TRABD2B: variants seen among roughly 807,000 people sequenced by gnomAD.
TRABD2B encodes TraB domain containing 2B.
Under a neutral mutation model 40.1 loss-of-function variants are expected in TRABD2B, and 14 were observed. That is an observed-to-expected ratio of 0.35 (90% CI 0.23 to 0.55). TRABD2B has a LOEUF of 0.55. Ranked by LOEUF, TRABD2B falls within the 20% of genes least tolerant of loss-of-function variation. The probability of loss-of-function intolerance (pLI) is 0.90; values close to 1 mark genes in which losing one functional copy is unlikely to be tolerated. For missense variants in TRABD2B, 541 were observed against 648.6 expected (o/e 0.83, Z 1.80); for synonymous variants, 263 against 277.0 (o/e 0.95, Z 0.50).
At chr1:47,820,712 A>G (rs11579632) in intron 2 of TRABD2B, among the ~76,000 whole-genome samples, 3,584 of 151,888 alleles carry the variant, frequency 0.024, 114 homozygotes, top group Admixed American at 0.094. Context: ...TCCGTCCTCC[A>G]TCAACAGGTG....
chr1:47,934,417 T>G (rs1380645913), intron 2 of TRABD2B, among the ~76,000 whole-genome samples: 1 of 152,240 alleles, frequency 6.6e-6, no homozygotes, highest in Non-Finnish European at 1.5e-5. Context: ...CTTCTGGCAG[T>G]GCTGCTGCAT....
intron 2 of TRABD2B, among the ~76,000 whole-genome samples, chr1:47,840,755 C>T (rs2124483528): frequency 6.6e-6 from 1 of 152,258 alleles, no homozygotes; most frequent in Middle Eastern, 3.4e-3. Context: ...AAGTGGGGCC[C>T]AGGGAGAAGG....
chr1:47,829,888 C>G (rs1172371923), intron 2 of TRABD2B, among the ~76,000 whole-genome samples: 1 of 152,208 alleles, frequency 6.6e-6, no homozygotes, highest in African/African-American at 2.4e-5. Flanking sequence ...TCCTCTTGGT[C>G]TCTTGTCACT....
intron 2 of TRABD2B, among the ~76,000 whole-genome samples, chr1:47,958,516 T>C (rs1480974663): frequency 4.6e-5 from 6 of 129,708 alleles, no homozygotes; most frequent in Non-Finnish European, 8.3e-5. Flanking sequence ...TGGATGAAGA[T>C]CTACCAAGCA....
In TRABD2B at chr1:47,946,506, C is replaced by T. The variant is rs190228311; in HGVS notation, c.666+47528G>A. ...TAATGAGATGATCATATGGGTTTTT[C>T]TTCTTTAGTCTACTGATTTAAGAAA... On this transcript the variant is annotated intron_variant, in intron 2 of 6. Coordinates refer to ENST00000606738, the MANE Select transcript of TRABD2B (RefSeq NM_001194986.2). Among the ~76,000 whole-genome samples the T allele has an allele frequency of 2.2e-4, 34 of 152,120 alleles. No homozygotes were observed. In the East Asian group the frequency reaches 6.6e-3, roughly 29 times the overall value.
intron 2 of TRABD2B, among the ~76,000 whole-genome samples, chr1:47,952,001 C>T (rs1324187514): frequency 1.3e-5 from 2 of 152,216 alleles, no homozygotes; most frequent in South Asian, 2.1e-4. Context: ...CTGACCCCTG[C>T]ATCGCTCAGC....
rs1015682841 is a variant in TRABD2B, at chr1:47,811,085, G to A, written c.667-9466C>T. ...GTGAGGTGGGTGGTGGGCAGGGCCT[G>A]TAGAGCCCTGTGGTCTTTGAAGGCC... On this transcript the variant is annotated intron_variant, in intron 2 of 6. Transcript: ENST00000606738. 2.2e-4 allele frequency among the ~76,000 whole-genome samples: 33 copies of A among 152,320 alleles called. 1 individual carries two copies. Among genetic ancestry groups the A allele is most frequent in the African/African-American group, 7.5e-4 (31 of 41,574 alleles).
intron 6 of TRABD2B, among the ~76,000 whole-genome samples, chr1:47,773,512 G>A (rs117909433): frequency 0.047 from 7,227 of 152,304 alleles, 488 homozygotes; most frequent in East Asian, 0.31. Flanking sequence ...TCATGGGGGC[G>A]GTTTCCCACG....
Position 47,803,875 on chromosome 1 carries a change from C to A in TRABD2B, c.667-2256G>T, listed in dbSNP as rs540199692. 1.2e-4 allele frequency among the ~76,000 whole-genome samples: 18 copies of A among 152,294 alleles called. 1 individual carries two copies. In the East Asian group the frequency reaches 3.3e-3, roughly 28 times the overall value. On this transcript the variant is annotated intron_variant, in intron 2 of 6. Transcript: ENST00000606738. ...TGCTCATTGAGTCCTTAAATCTAGC[C>A]CCTACAACTTCTGCACTCTGCATTT... is the stretch of plus-strand genomic sequence containing the variant.
intron 2 of TRABD2B, among the ~76,000 whole-genome samples, chr1:47,846,211 A>G (rs1645467115): frequency 6.6e-6 from 1 of 152,234 alleles, no homozygotes; most frequent in Admixed American, 6.5e-5. Flanking sequence ...CAGTTAATTA[A>G]AAAACTTGAT....
intron 2 of TRABD2B, among the ~76,000 whole-genome samples, chr1:47,889,611 G>C (rs1161630547): frequency 6.6e-6 from 1 of 152,210 alleles, no homozygotes; most frequent in African/African-American, 2.4e-5. Flanking sequence ...GACCCATACA[G>C]GGTTATCTAT....
intron 2 of TRABD2B, among the ~76,000 whole-genome samples, chr1:47,825,180 G>A (rs964177200): frequency 1.3e-5 from 2 of 152,126 alleles, no homozygotes; most frequent in African/African-American, 4.8e-5. Context: ...TCCAAATCTG[G>A]GGTCTCAATA....
At chr1:47,770,759 G>T (rs1193843153) in intron 6 of TRABD2B, among the ~76,000 whole-genome samples, 10 of 152,230 alleles carry the variant, frequency 6.6e-5, no homozygotes, top group African/African-American at 1.9e-4. Flanking sequence ...CTGTCAAACT[G>T]GGGGAAGTTC....
rs980789726 is a variant in TRABD2B at position 47,799,846 on chromosome 1, C to T, written c.813+1627G>A. On this transcript the variant is annotated intron_variant, in intron 3 of 6. Transcript: ENST00000606738. ...TCCCAGGCCCTACCCACAAGCCCAT[C>T]TAAATCAGCCGTTCCTTCCACAGGC... Among the ~76,000 whole-genome samples the T allele has an allele frequency of 4.6e-5, 7 of 152,192 alleles. 1 individual carries two copies. The highest frequency in any genetic ancestry group is 4.6e-4 in the Admixed American group (7 of 15,284).
chr1:47,776,049 G>A (rs1400288520), intron 5 of TRABD2B, among the ~76,000 whole-genome samples: 1 of 152,108 alleles, frequency 6.6e-6, no homozygotes, highest in African/African-American at 2.4e-5. Flanking sequence ...AAATGGGGGT[G>A]TTGCAGACTC....
chr1:47,881,976 G>A (rs1644310039), intron 2 of TRABD2B, among the ~76,000 whole-genome samples: 1 of 152,194 alleles, frequency 6.6e-6, no homozygotes, highest in Non-Finnish European at 1.5e-5. Context: ...TGGCTCTGAC[G>A]CATTGCCTGT....
intron 2 of TRABD2B, among the ~76,000 whole-genome samples, chr1:47,853,752 T>C (rs1431114229): frequency 1.3e-5 from 2 of 152,192 alleles, no homozygotes; most frequent in Non-Finnish European, 2.9e-5. Flanking sequence ...TTCTCAGCTG[T>C]CACTGGCCCT....
intron 4 of TRABD2B, among the ~76,000 whole-genome samples, chr1:47,781,465 C>T (rs971218379): frequency 6.6e-6 from 1 of 152,220 alleles, no homozygotes; most frequent in Admixed American, 6.5e-5. Context: ...CAGGCCTCAC[C>T]GGATGCCCAC....
At chr1:47,806,592 G>A (rs961930179) in intron 2 of TRABD2B, among the ~76,000 whole-genome samples, 2 of 152,200 alleles carry the variant, frequency 1.3e-5, no homozygotes, top group African/African-American at 4.8e-5. Context: ...GCCACCAGGA[G>A]CTCCAGAGCA....
Sources: allele counts gnomAD v4.1 joint callset (sites outside exome capture counted in the v4.1 genomes callset), GRCh38; gene constraint gnomAD v4.1.1; transcripts MANE v1.5; gene names NCBI Gene and HGNC (gene_info 2026-07-23, HGNC 2026-07-21).